GSG1L: variants seen among roughly 807,000 people sequenced by gnomAD.
GSG1L encodes the protein GSG1 like.
Under a neutral mutation model 42.1 loss-of-function variants are expected in GSG1L, and 24 were observed. The observed-to-expected ratio is 0.57, with a 90% CI of 0.41 to 0.80. GSG1L has a LOEUF of 0.80. Among genes scored for constraint, GSG1L ranks in the 30% least tolerant of loss-of-function variants. GSG1L has a pLI of 0.00. For synonymous variants in GSG1L, 215 were observed against 203.5 expected (o/e 1.06, Z -0.48); for missense variants, 445 against 472.2 (o/e 0.94, Z 0.53).
rs369021478 is a variant in GSG1L, at chr16:27,865,572, TACACAC to T, written c.550+18908_550+18913del. Among the ~76,000 whole-genome samples, 82 of 21,544 alleles carry T rather than the reference TACACAC, an allele frequency of 3.8e-3. 8 individuals are homozygous for T. The highest frequency in any genetic ancestry group is 7.1e-3 in the African/African-American group (46 of 6,472). 14.1% of individuals were successfully genotyped at this position (21,544 alleles called of 152,430 possible). A position where few individuals can be genotyped will look rare whatever the true frequency, so the allele number is the denominator to read the frequency against. ...ATATATATATATATATATATATATA[TACACAC>T]ACACATACATACATACACACACATA... On this transcript the variant is annotated intron_variant, in intron 3 of 6. Transcript: ENST00000447459.
At chr16:27,941,110 T>C (rs2084788251) in intron 2 of GSG1L, among the ~76,000 whole-genome samples, 2 of 151,924 alleles carry the variant, frequency 1.3e-5, no homozygotes, top group Admixed American at 1.3e-4. Flanking sequence ...TCCTTGGGTA[T>C]AAAACCAAAA....
intron 5 of GSG1L, 93 bp from the exon 6 acceptor site, chr16:27,807,647 C>A: frequency 9.7e-7 from 1 of 1,033,584 alleles, no homozygotes; most frequent in East Asian, 2.5e-5. Context: ...GCAATCTTCC[C>A]CCCTCTGGAG....
At chr16:28,053,038 G>C (rs2086236816) in intron 1 of GSG1L, among the ~76,000 whole-genome samples, 1 of 152,212 alleles carries the variant, frequency 6.6e-6, no homozygotes, top group South Asian at 2.1e-4. Flanking sequence ...AGTGTGGCCA[G>C]TGGTGTCCAA....
intron 3 of GSG1L, among the ~76,000 whole-genome samples, chr16:27,877,732 G>A (rs1315335815): frequency 6.6e-6 from 1 of 152,166 alleles, no homozygotes; most frequent in Non-Finnish European, 1.5e-5. Context: ...CCCCAGCCTT[G>A]AAAATTGCCC....
chr16:27,906,928 C>A (rs2084326978), intron 2 of GSG1L, among the ~76,000 whole-genome samples: 1 of 152,136 alleles, frequency 6.6e-6, no homozygotes. Context: ...GTGCCCTGGG[C>A]CAGCCCAGCA....
chr16:27,870,838 A>G (rs1160812875), intron 3 of GSG1L, among the ~76,000 whole-genome samples: 1 of 151,256 alleles, frequency 6.6e-6, no homozygotes, highest in Non-Finnish European at 1.5e-5. Context: ...GCCCATCCAC[A>G]GTCCTCCGTT....
At chr16:27,886,815 G>A (rs530593028) in intron 2 of GSG1L, among the ~76,000 whole-genome samples, 194 of 152,332 alleles carry the variant, frequency 1.3e-3, no homozygotes, top group African/African-American at 4.3e-3. Flanking sequence ...CTTTAGAGAA[G>A]GAACTACGGA....
At chr16:27,983,750 C>A (rs751105439) in intron 1 of GSG1L, among the ~76,000 whole-genome samples, 3 of 152,098 alleles carry the variant, frequency 2.0e-5, no homozygotes, top group Non-Finnish European at 2.9e-5. Context: ...AAAGAGAAAT[C>A]AAAATGGGGG....
intron 1 of GSG1L, among the ~76,000 whole-genome samples, chr16:27,991,314 T>C (rs1431175162): frequency 2.2e-5 from 3 of 134,766 alleles, no homozygotes; most frequent in East Asian, 2.2e-4. Context: ...CCTGATAGAA[T>C]AGGTTCTCTG....
chr16:27,890,495 C>T (rs904057148), intron 2 of GSG1L, among the ~76,000 whole-genome samples: 5 of 152,118 alleles, frequency 3.3e-5, no homozygotes, highest in Non-Finnish European at 7.4e-5. Context: ...ATGACGGTGG[C>T]CTGGACTGTG....
chr16:27,821,125 C>T (rs545750911), intron 5 of GSG1L, among the ~76,000 whole-genome samples: 29 of 152,262 alleles, frequency 1.9e-4, no homozygotes, highest in African/African-American at 5.8e-4. Context: ...AAGCCACTTC[C>T]GGGAGACTCG....
At chr16:27,951,854 C>A (rs755912537) in intron 2 of GSG1L, among the ~76,000 whole-genome samples, 1 of 152,128 alleles carries the variant, frequency 6.6e-6, no homozygotes, top group Admixed American at 6.5e-5. Flanking sequence ...GTTGAGGGAA[C>A]GAACAAGAGA....
At chr16:27,946,635 G>A (rs1292459688) in intron 2 of GSG1L, among the ~76,000 whole-genome samples, 3 of 4,032 alleles carry the variant, frequency 7.4e-4, no homozygotes, top group African/African-American at 2.9e-3. Flanking sequence ...GAGAGAGAAA[G>A]AAAGAAAGAA....
At chr16:27,857,671 C>T (rs1029610927) in intron 3 of GSG1L, among the ~76,000 whole-genome samples, 4 of 152,118 alleles carry the variant, frequency 2.6e-5, no homozygotes, top group Non-Finnish European at 4.4e-5. Context: ...GTTTTGAGCT[C>T]ATGGGAGACA....
rs376630830 is a variant in GSG1L at position 27,846,818 on chromosome 16, G to A, written c.551-1757C>T. Among the ~76,000 whole-genome samples the A allele has an allele frequency of 2.4e-4, 36 of 152,154 alleles. No individual in the cohort carries two copies. In the East Asian group the frequency reaches 3.7e-3, roughly 16 times the overall value. On this transcript the variant is annotated intron_variant, in intron 3 of 6. Coordinates refer to ENST00000447459, the MANE Select transcript of GSG1L (RefSeq NM_001109763.2). ...AAAAATACAAAAAAATTACCCGGGC[G>A]TGGTGGTGGGCACCTGTAGTCCCAG...
intron 2 of GSG1L, among the ~76,000 whole-genome samples, chr16:27,942,147 CTTT>C (rs34617355): frequency 0.024 from 2,836 of 115,918 alleles, 76 homozygotes; most frequent in African/African-American, 0.09. Flanking sequence ...AAAACTTCTT[CTTT>C]TTTTTTTTTT....
chr16:28,015,261 T>C (rs2085767337), intron 1 of GSG1L, among the ~76,000 whole-genome samples: 1 of 152,076 alleles, frequency 6.6e-6, no homozygotes, highest in South Asian at 2.1e-4. Flanking sequence ...CCCAGCACTT[T>C]GGGAGGCTGA....
chr16:27,870,537 G>T (rs2083806881), intron 3 of GSG1L, among the ~76,000 whole-genome samples: 1 of 150,944 alleles, frequency 6.6e-6, no homozygotes, highest in South Asian at 2.1e-4. Flanking sequence ...CCCATCTCCT[G>T]CTCCATCTCT....
At chr16:28,049,221 C>T (rs1567569626) in intron 1 of GSG1L, among the ~76,000 whole-genome samples, 2 of 152,288 alleles carry the variant, frequency 1.3e-5, no homozygotes, top group East Asian at 3.9e-4. Context: ...GAGGCTTTTT[C>T]TTTAAATCCT....
Sources: gnomAD v4.1 joint callset for allele counts (sites outside exome capture counted in the v4.1 genomes callset) on GRCh38, gnomAD v4.1.1 for gene constraint, MANE v1.5 for transcripts, NCBI Gene and HGNC (gene_info 2026-07-23, HGNC 2026-07-21) for gene names.